MNAT1: variants seen among roughly 807,000 people sequenced by gnomAD.
MNAT1 encodes the protein CDK-activating kinase assembly factor MAT1.
MNAT1 carries 43 observed loss-of-function variants against 42.0 expected under a neutral mutation model. The ratio of observed to expected loss-of-function variants is 1.02; its 90% confidence interval spans 0.80 to 1.32. The LOEUF is 1.32. MNAT1 is among the 40% of genes most tolerant of loss of function. The pLI, the probability that MNAT1 is intolerant of heterozygous loss-of-function variation, is 0.00. For missense variants in MNAT1, 306 were observed against 350.4 expected (o/e 0.87, Z 1.01); for synonymous variants, 118 against 120.0 (o/e 0.98, Z 0.11).
intron 7 of MNAT1, among the ~76,000 whole-genome samples, chr14:60,934,845 C>A (rs527483501): frequency 5.9e-5 from 9 of 152,286 alleles, no homozygotes; most frequent in African/African-American, 1.9e-4. Context: ...CAATTTCTCC[C>A]ACATTTAAAT....
intron 1 of MNAT1, among the ~76,000 whole-genome samples, chr14:60,753,000 G>C (rs909710799): frequency 6.6e-6 from 1 of 152,180 alleles, no homozygotes; most frequent in Admixed American, 6.5e-5. Context: ...CCTGACCTCA[G>C]GTGACCCACC....
At chr14:60,926,364 A>G (rs1237025089) in intron 7 of MNAT1, among the ~76,000 whole-genome samples, 1 of 152,152 alleles carries the variant, frequency 6.6e-6, no homozygotes, top group Non-Finnish European at 1.5e-5. Flanking sequence ...ATCATATACC[A>G]CAGGTTAAGG....
At chr14:60,900,079 TCTC>T (rs1480146602) in intron 7 of MNAT1, among the ~76,000 whole-genome samples, 86 of 151,532 alleles carry the variant, frequency 5.7e-4, no homozygotes, top group East Asian at 5.4e-3. Context: ...TCTCTCTCTC[TCTC>T]TTACCTTGGA....
chr14:60,760,798 C>T (rs2030568101), intron 1 of MNAT1, among the ~76,000 whole-genome samples: 1 of 152,166 alleles, frequency 6.6e-6, no homozygotes, highest in South Asian at 2.1e-4. Flanking sequence ...GTACATTGTG[C>T]CCTCTGGTAC....
At chr14:60,959,540 G>A (rs2036550274) in intron 7 of MNAT1, among the ~76,000 whole-genome samples, 1 of 151,948 alleles carries the variant, frequency 6.6e-6, no homozygotes, top group Admixed American at 6.5e-5. Flanking sequence ...TTACAAACTT[G>A]GGAGTTCCTT....
intron 1 of MNAT1, among the ~76,000 whole-genome samples, chr14:60,751,913 T>C (rs1290111817): frequency 2.6e-5 from 4 of 152,200 alleles, no homozygotes; most frequent in African/African-American, 9.6e-5. Flanking sequence ...CTGATTTATA[T>C]ATATTTAATG....
chr14:60,764,267 G>C (rs2030723307), intron 1 of MNAT1, among the ~76,000 whole-genome samples: 1 of 152,166 alleles, frequency 6.6e-6, no homozygotes, highest in African/African-American at 2.4e-5. Flanking sequence ...AAAAATAAAA[G>C]GGGTTATATA....
Position 60,736,211 on chromosome 14 carries a change from AGACT to A in MNAT1, c.89+1262_89+1265del, listed in dbSNP as rs1432329181. On this transcript the variant is annotated intron_variant, in intron 1 of 7. Transcript: ENST00000261245. ...TTCTACATGGAAAAACACTGTAGATAGACTGTTTTTAGAGAGATTTCGTTCAATT... is the reference window on the plus strand; with the variant it reads ...TTCTACATGGAAAAACACTGTAGATAGTTTTTAGAGAGATTTCGTTCAATT... Among the ~76,000 whole-genome samples the A allele has an allele frequency of 1.1e-4, 16 of 152,314 alleles. No homozygotes were observed. In the East Asian group the frequency reaches 3.1e-3, roughly 29 times the overall value.
chr14:60,949,787 A>AT (rs61484165), intron 7 of MNAT1, among the ~76,000 whole-genome samples: 89 of 151,334 alleles, frequency 5.9e-4, no homozygotes, highest in Middle Eastern at 3.4e-3. Context: ...GGCATAGATT[A>AT]TTTTTTTTTC....
intron 5 of MNAT1, among the ~76,000 whole-genome samples, chr14:60,812,936 CACCAAGTGTGGGTACCCAGAAAG>C (rs2032598536): frequency 6.6e-6 from 1 of 152,204 alleles, no homozygotes; most frequent in Non-Finnish European, 1.5e-5. Context: ...GCTTGGGACC[CACCAAGTGTGGGTACCCAGAAAG>C]GCTGTCACAC....
intron 6 of MNAT1, among the ~76,000 whole-genome samples, chr14:60,876,536 C>T (rs2034439852): frequency 6.6e-6 from 1 of 152,004 alleles, no homozygotes. Flanking sequence ...AAAAATTTCT[C>T]ATCTTCCTCA....
intron 7 of MNAT1, among the ~76,000 whole-genome samples, chr14:60,885,701 T>A (rs970674480): frequency 6.6e-6 from 1 of 152,070 alleles, no homozygotes. Context: ...GCAAATATAT[T>A]TTCCCAATGT....
Position 60,818,781 on chromosome 14 carries a change from A to G in MNAT1, c.621A>G (p.Gln207=), listed in dbSNP as rs2032793346. ...CTCAGCATAAAGATAGATCTACCCA[A>G]TTAGAAATGCAACTTGAGAAACCCA... is the stretch of plus-strand genomic sequence containing the variant. ...LLAQHKDRST[Q]LEMQLEKPKP... Residue 207 remains glutamine, a synonymous_variant, in exon 6 of 8, where the codon CAA becomes CAG. Coordinates refer to ENST00000261245, the MANE Select transcript of MNAT1 (RefSeq NM_002431.4). 2.5e-6 allele frequency: 4 copies of G among 1,612,942 alleles called. No individual in the cohort carries two copies. Among genetic ancestry groups the G allele is most frequent in the East Asian group, 2.2e-5 (1 of 44,800 alleles).
intron 1 of MNAT1, among the ~76,000 whole-genome samples, chr14:60,789,544 A>G (rs1052214093): frequency 1.3e-5 from 2 of 152,210 alleles, no homozygotes; most frequent in Non-Finnish European, 2.9e-5. Context: ...AAAATGAGGC[A>G]TGCCTGTAAT....
intron 7 of MNAT1, among the ~76,000 whole-genome samples, chr14:60,938,662 A>G (rs535299837): frequency 2.0e-5 from 3 of 152,236 alleles, no homozygotes; most frequent in Admixed American, 1.3e-4. Context: ...TTTTGTATCA[A>G]TGTTCATCAG....
chr14:60,741,745 T>C (rs866010440), intron 1 of MNAT1, among the ~76,000 whole-genome samples: 2 of 144,858 alleles, frequency 1.4e-5, no homozygotes, highest in South Asian at 2.3e-4. Flanking sequence ...TGAGCGCAAG[T>C]GATCCTCCTG....
At chr14:60,771,892 G>A (rs2031073437) in intron 1 of MNAT1, among the ~76,000 whole-genome samples, 1 of 152,144 alleles carries the variant, frequency 6.6e-6, no homozygotes, top group Non-Finnish European at 1.5e-5. Context: ...GTGAAAAAGT[G>A]TCCATTTTCT....
At chr14:60,849,707 T>A (rs2139414964) in intron 6 of MNAT1, among the ~76,000 whole-genome samples, 1 of 152,288 alleles carries the variant, frequency 6.6e-6, no homozygotes, top group Middle Eastern at 3.4e-3. Context: ...TATATGGCTG[T>A]AGATTCTATA....
At chr14:60,851,498 A>G (rs2033818998) in intron 6 of MNAT1, among the ~76,000 whole-genome samples, 1 of 152,032 alleles carries the variant, frequency 6.6e-6, no homozygotes, top group Non-Finnish European at 1.5e-5. Context: ...CACTTTGGTA[A>G]TTCTCACAAT....
Sources: allele counts gnomAD v4.1 joint callset (sites outside exome capture counted in the v4.1 genomes callset), GRCh38; gene constraint gnomAD v4.1.1; transcripts MANE v1.5; gene names NCBI Gene and HGNC (gene_info 2026-07-23, HGNC 2026-07-21).